BNC2: variants seen among roughly 807,000 people sequenced by gnomAD.
BNC2 encodes basonuclin zinc finger protein 2, also known as zinc finger protein basonuclin-2.
In BNC2, 20 loss-of-function variants were observed where a neutral mutation model predicts 76.3. That is an observed-to-expected ratio of 0.26 (90% confidence interval 0.18 to 0.38). BNC2 has a LOEUF of 0.38. Ranked by LOEUF, BNC2 falls within the 10% of genes least tolerant of loss-of-function variation. The pLI is 1.00. For synonymous variants in BNC2, 582 were observed against 514.8 expected (o/e 1.13, Z -1.77); for missense variants, 1,382 against 1,399.8 (o/e 0.99, Z 0.20).
chr9:16,558,930 T>C (rs1411580762), intron 4 of BNC2, among the ~76,000 whole-genome samples: 3 of 126,774 alleles, frequency 2.4e-5, no homozygotes, highest in Non-Finnish European at 4.7e-5. Flanking sequence ...CAAGACTCCG[T>C]CTCAAAAAAA....
chr9:16,718,133 T>C (rs1448745844), intron 3 of BNC2, among the ~76,000 whole-genome samples: 1 of 152,196 alleles, frequency 6.6e-6, no homozygotes, highest in Non-Finnish European at 1.5e-5. Context: ...CCACAGGCTG[T>C]GAACACTCTC....
intron 3 of BNC2, among the ~76,000 whole-genome samples, chr9:16,676,674 A>T (rs890133972): frequency 2.0e-5 from 3 of 152,258 alleles, no homozygotes; most frequent in African/African-American, 7.2e-5. Flanking sequence ...GAGACACAGG[A>T]ATTCACAAAT....
intron 5 of BNC2, among the ~76,000 whole-genome samples, chr9:16,459,894 A>C (rs1390018411): frequency 6.6e-6 from 1 of 152,206 alleles, no homozygotes; most frequent in Non-Finnish European, 1.5e-5. Context: ...GCTGCCAGCT[A>C]CATTATCCCT....
intron 3 of BNC2, among the ~76,000 whole-genome samples, chr9:16,721,694 T>C (rs997362507): frequency 1.3e-5 from 2 of 152,204 alleles, no homozygotes; most frequent in Non-Finnish European, 2.9e-5. Context: ...TTATATTCCA[T>C]GTTCTTTGGA....
In BNC2 at chr9:16,417,926, G is replaced by T. The variant is rs1464611056; in HGVS notation, c.*1063C>A. On this transcript the variant is annotated 3_prime_UTR_variant, in exon 7 of 7. Coordinates refer to ENST00000380672, the MANE Select transcript of BNC2 (RefSeq NM_017637.6). ...TTTTTTAAAAAGCGGTTTTCTGGTGGCCAACAAATTGGCCTGTGGTTATGT... is the reference window on the plus strand; with the variant it reads ...TTTTTTAAAAAGCGGTTTTCTGGTGTCCAACAAATTGGCCTGTGGTTATGT... The T allele has an allele frequency of 6.6e-6, 1 of 152,610 alleles. No homozygotes were observed. Among genetic ancestry groups the T allele is most frequent in the Non-Finnish European group, 1.5e-5 (1 of 68,034 alleles). The allele number at this position is 152,610 out of a possible 1,614,324, so 9.5% of individuals were successfully genotyped here. A position where few individuals can be genotyped will look rare whatever the true frequency, so the allele number is the denominator to read the frequency against.
chr9:16,420,719 A>ATATG (rs397743011), intron 6 of BNC2, among the ~76,000 whole-genome samples: 19 of 151,872 alleles, frequency 1.3e-4, no homozygotes, highest in African/African-American at 3.9e-4. Flanking sequence ...ATATATATAT[A>ATATG]AAGACAGGAT....
At chr9:16,707,597 T>C (rs1393550614) in intron 3 of BNC2, among the ~76,000 whole-genome samples, 2 of 152,156 alleles carry the variant, frequency 1.3e-5, no homozygotes, top group East Asian at 1.9e-4. Flanking sequence ...AAAAGAAGGA[T>C]AAGCAATCTC....
intron 5 of BNC2, among the ~76,000 whole-genome samples, chr9:16,475,777 G>A (rs1336684318): frequency 1.3e-5 from 2 of 152,148 alleles, no homozygotes; most frequent in Admixed American, 6.5e-5. Context: ...TCTCCAAACT[G>A]CCTACTGTAA....
chr9:16,617,108 C>A lies in BNC2; in HGVS notation c.331-34023G>T, dbSNP rs138210234. Among the ~76,000 whole-genome samples, 311 of 152,220 alleles carry A rather than the reference C, an allele frequency of 2.0e-3. 2 individuals carry two copies. The highest frequency in any genetic ancestry group is 7.2e-3 in the African/African-American group (298 of 41,538). On this transcript the variant is annotated intron_variant, in intron 3 of 6. Transcript: ENST00000380672. ...CAACCATATAATGCATTTGAGAACA[C>A]AGAAATTGATATGGGGTCATGATCA... is the stretch of plus-strand genomic sequence containing the variant.
chr9:16,497,552 T>C (rs1822415176), intron 5 of BNC2, among the ~76,000 whole-genome samples: 1 of 152,174 alleles, frequency 6.6e-6, no homozygotes, highest in Admixed American at 6.5e-5. Context: ...AAATGATCTC[T>C]GCTCTCATGG....
chr9:16,744,927 T>C (rs938223560), intron 1 of BNC2, among the ~76,000 whole-genome samples: 1 of 152,240 alleles, frequency 6.6e-6, no homozygotes, highest in African/African-American at 2.4e-5. Flanking sequence ...TATAGTGTTA[T>C]TTACATTTTG....
chr9:16,677,606 C>CACACACACACACACACACACAG (rs1455196025), intron 3 of BNC2, among the ~76,000 whole-genome samples: 134 of 151,350 alleles, frequency 8.9e-4, no homozygotes, highest in African/African-American at 3.0e-3. Flanking sequence ...CACACACACA[C>CACACACACACACACACACACAG]AGTAGCAATA....
chr9:16,788,346 G>T (rs1291931931), intron 1 of BNC2, among the ~76,000 whole-genome samples: 1 of 151,716 alleles, frequency 6.6e-6, no homozygotes, highest in South Asian at 2.1e-4. Flanking sequence ...GAAGTCAGGA[G>T]ATCGAGACCA....
At chr9:16,485,111 G>GACACACACACACACACAC (rs58432278) in intron 5 of BNC2, among the ~76,000 whole-genome samples, 1 of 143,560 alleles carries the variant, frequency 7.0e-6, no homozygotes, top group African/African-American at 2.5e-5. Flanking sequence ...GACACACACA[G>GACACACACACACACACAC]ACACACACAC....
At chr9:16,797,007 G>A (rs558897036) in intron 1 of BNC2, among the ~76,000 whole-genome samples, 3 of 152,240 alleles carry the variant, frequency 2.0e-5, no homozygotes, top group East Asian at 3.9e-4. Context: ...GTAGCTACCT[G>A]ACTACCTCAC....
At chr9:16,788,355 C>T (rs564563022) in intron 1 of BNC2, among the ~76,000 whole-genome samples, 4 of 151,644 alleles carry the variant, frequency 2.6e-5, no homozygotes, top group African/African-American at 4.8e-5. Flanking sequence ...AGATCGAGAC[C>T]ATCCTGGCTA....
chr9:16,486,362 G>A (rs1393364669), intron 5 of BNC2, among the ~76,000 whole-genome samples: 1 of 152,142 alleles, frequency 6.6e-6, no homozygotes, highest in Non-Finnish European at 1.5e-5. Flanking sequence ...TAGTTCTGTG[G>A]GACTTGATGT....
chr9:16,694,733 C>G (rs536204675), intron 3 of BNC2, among the ~76,000 whole-genome samples: 1 of 152,300 alleles, frequency 6.6e-6, no homozygotes, highest in African/African-American at 2.4e-5. Context: ...CCTGCTGTTC[C>G]ATACAGGAAA....
intron 3 of BNC2, among the ~76,000 whole-genome samples, chr9:16,604,335 G>A (rs1259944468): frequency 6.6e-6 from 1 of 152,106 alleles, no homozygotes; most frequent in Non-Finnish European, 1.5e-5. Context: ...GTGAAACACA[G>A]AACTGCTATG....
Sources: gnomAD v4.1 joint callset for allele counts (sites outside exome capture counted in the v4.1 genomes callset) on GRCh38, gnomAD v4.1.1 for gene constraint, MANE v1.5 for transcripts, NCBI Gene and HGNC (gene_info 2026-07-23, HGNC 2026-07-21) for gene names.